The following CEP63 variants were observed in gnomAD, a reference collection of about 807,000 sequenced individuals.
The protein encoded by CEP63 is centrosomal protein 63.
CEP63 carries 84 observed loss-of-function variants against 89.1 expected under a neutral mutation model. The observed-to-expected ratio is 0.94, with a 90% CI of 0.79 to 1.13. The LOEUF (loss-of-function observed/expected upper bound fraction) is 1.13. Ranked by LOEUF, CEP63 falls within the 50% of genes most tolerant of loss-of-function variation. CEP63 has a pLI of 0.00. For synonymous variants in CEP63, 267 were observed against 272.5 expected, an observed-to-expected ratio of 0.98 and a Z score of 0.20; for missense variants, 838 against 813.3, an observed-to-expected ratio of 1.03 and a Z score of -0.37.
chr3:134,598,515 G>T, the CEP63 span, among the ~76,000 whole-genome samples: 1 of 152,180 alleles, frequency 6.6e-6, no homozygotes, highest in South Asian at 2.1e-4. Flanking sequence ...ATATGAATGG[G>T]AGGCCATTGT....
At chr3:134,486,873 G>A (rs976707006) in intron 1 of CEP63, among the ~76,000 whole-genome samples, 39 of 152,198 alleles carry the variant, frequency 2.6e-4, no homozygotes, top group African/African-American at 8.7e-4. Context: ...AAGAAATAAG[G>A]ACGGTTTCTT....
the CEP63 span, among the ~76,000 whole-genome samples, chr3:134,736,228 A>G: frequency 6.6e-6 from 1 of 152,160 alleles, no homozygotes; most frequent in Non-Finnish European, 1.5e-5. Flanking sequence ...TGTATGTTCA[A>G]AACACCTGTT....
the CEP63 span, among the ~76,000 whole-genome samples, chr3:134,744,834 A>G: frequency 6.6e-6 from 1 of 152,140 alleles, no homozygotes; most frequent in South Asian, 2.1e-4. Flanking sequence ...TATACTCTTT[A>G]ACAAGTTCTG....
the CEP63 span, among the ~76,000 whole-genome samples, chr3:134,751,864 C>T: frequency 2.2e-4 from 33 of 152,098 alleles, no homozygotes; most frequent in African/African-American, 7.7e-4. Flanking sequence ...CCTCATTTTC[C>T]AGAAAGGGAA....
intron 3 of CEP63, among the ~76,000 whole-genome samples, chr3:134,520,261 A>C (rs944094324): frequency 2.0e-5 from 3 of 152,214 alleles, no homozygotes; most frequent in Non-Finnish European, 4.4e-5. Context: ...ACAAAAATTT[A>C]TTGATTCTTT....
At chr3:134,760,976 C>T in the CEP63 span, among the ~76,000 whole-genome samples, 2 of 151,558 alleles carry the variant, frequency 1.3e-5, no homozygotes, top group Non-Finnish European at 2.9e-5. Context: ...CAGGTTTAAT[C>T]CTCTGGTATG....
At chr3:134,692,947 C>T in the CEP63 span, among the ~76,000 whole-genome samples, 3 of 152,206 alleles carry the variant, frequency 2.0e-5, no homozygotes, top group South Asian at 6.2e-4. Context: ...TTCTCTTTCT[C>T]GCTTGAATCC....
At chr3:134,722,395 T>C in the CEP63 span, among the ~76,000 whole-genome samples, 4 of 152,088 alleles carry the variant, frequency 2.6e-5, no homozygotes, top group Non-Finnish European at 5.9e-5. Flanking sequence ...AAGTTGGTAG[T>C]GATGTCTTCT....
chr3:134,624,302 C>T, the CEP63 span, among the ~76,000 whole-genome samples: 1 of 152,196 alleles, frequency 6.6e-6, no homozygotes, highest in East Asian at 1.9e-4. Flanking sequence ...TGTCTTCTGC[C>T]AGGACAGAAG....
chr3:134,743,848 T>C, the CEP63 span, among the ~76,000 whole-genome samples: 3 of 152,204 alleles, frequency 2.0e-5, no homozygotes, highest in African/African-American at 7.2e-5. Flanking sequence ...GTACAGAAAG[T>C]TCTCCCTTTC....
At chr3:134,668,037 GA>G in the CEP63 span, among the ~76,000 whole-genome samples, 6 of 152,322 alleles carry the variant, frequency 3.9e-5, no homozygotes, top group Non-Finnish European at 8.8e-5. Flanking sequence ...CACGTCCTGG[GA>G]GGGGACTCCT....
the CEP63 span, among the ~76,000 whole-genome samples, chr3:134,621,936 C>T: frequency 6.6e-6 from 1 of 152,036 alleles, no homozygotes; most frequent in African/African-American, 2.4e-5. Flanking sequence ...AGAAGATATA[C>T]AAATGGCCAA....
rs1199733386 is a variant in CEP63, at chr3:134,561,903, T to C, written c.*368T>C. On this transcript the variant is annotated 3_prime_UTR_variant, in exon 15 of 15. Coordinates refer to ENST00000675561, the MANE Select transcript of CEP63 (RefSeq NM_001353108.3). ...ATAAAGTAACTGCAGGAACTTTCTT[T>C]AGGGGAAATGTGTAGAAGCATGGAT... 3 of 1,068,612 alleles carry C rather than the reference T, an allele frequency of 2.8e-6. No individual in the cohort carries two copies. Among genetic ancestry groups the C allele is most frequent in the Non-Finnish European group, 3.4e-6 (3 of 879,918 alleles). The allele number at this position is 1,068,612 out of a possible 1,614,324, so 66.2% of individuals were successfully genotyped here. A position where few individuals can be genotyped will look rare whatever the true frequency, so the allele number is the denominator to read the frequency against.
At chr3:134,633,114 T>C in the CEP63 span, among the ~76,000 whole-genome samples, 2 of 152,106 alleles carry the variant, frequency 1.3e-5, no homozygotes, top group Admixed American at 1.3e-4. Flanking sequence ...ATTAAACTTG[T>C]AGTTTAAAAT....
chr3:134,760,643 C>T, the CEP63 span, among the ~76,000 whole-genome samples: 5 of 152,180 alleles, frequency 3.3e-5, no homozygotes, highest in African/African-American at 1.2e-4. Context: ...GTACTCAGTC[C>T]TCATGACAAT....
chr3:134,692,891 G>A, the CEP63 span, among the ~76,000 whole-genome samples: 21 of 152,224 alleles, frequency 1.4e-4, no homozygotes, highest in South Asian at 4.1e-3. Context: ...GGTTAGCCTG[G>A]CATTCCCGCT....
chr3:134,525,951 G>T (rs1295632712), intron 3 of CEP63, among the ~76,000 whole-genome samples: 1 of 152,090 alleles, frequency 6.6e-6, no homozygotes, highest in Non-Finnish European at 1.5e-5. Flanking sequence ...GGGGTTCTCT[G>T]CATTTCCTGA....
At chr3:134,607,670 T>G in the CEP63 span, 1 of 985,680 alleles carries the variant, frequency 1.0e-6, no homozygotes, top group Non-Finnish European at 1.2e-6. Context: ...TGACCAGTTC[T>G]GGCCCTCCAG....
chr3:134,623,551 C>A, the CEP63 span, among the ~76,000 whole-genome samples: 4 of 148,578 alleles, frequency 2.7e-5, no homozygotes, highest in Admixed American at 2.7e-4. Context: ...CCCCCTTGTT[C>A]CCCCACCTTA....
Sources: allele counts gnomAD v4.1 joint callset (sites outside exome capture counted in the v4.1 genomes callset), GRCh38; gene constraint gnomAD v4.1.1; transcripts MANE v1.5; gene names NCBI Gene and HGNC (gene_info 2026-07-23, HGNC 2026-07-21).